ZNF395: variants seen among roughly 807,000 people sequenced by gnomAD.
ZNF395 encodes the protein HD gene regulatory region-binding protein 2.
In ZNF395, 20 loss-of-function variants were observed where a neutral mutation model predicts 57.7. The observed-to-expected ratio is 0.35, with a 90% confidence interval of 0.24 to 0.50. ZNF395 has a LOEUF of 0.50. ZNF395 is among the 20% of genes least tolerant of loss of function. The pLI is 0.97. For synonymous variants in ZNF395, 295 were observed against 275.9 expected, an observed-to-expected ratio of 1.07 and a Z score of -0.69; for missense variants, 606 against 671.2, an observed-to-expected ratio of 0.90 and a Z score of 1.07.
intron 6 of ZNF395, 67 bp from the exon 7 acceptor site, chr8:28,351,874 G>C (rs1399214782): frequency 1.3e-6 from 2 of 1,489,618 alleles, no homozygotes; most frequent in African/African-American, 2.8e-5. Flanking sequence ...CGGGGACCGC[G>C]GTAGGGAGGG....
At chr8:28,369,300 T>C (rs1054149581) in intron 1 of ZNF395, among the ~76,000 whole-genome samples, 2 of 152,130 alleles carry the variant, frequency 1.3e-5, no homozygotes, top group African/African-American at 4.8e-5. Flanking sequence ...GGAACTCAAA[T>C]GTCACTTCAA....
At chr8:28,377,259 C>A (rs1261213422) in intron 1 of ZNF395, among the ~76,000 whole-genome samples, 1 of 151,986 alleles carries the variant, frequency 6.6e-6, no homozygotes, top group African/African-American at 2.4e-5. Flanking sequence ...AAAATTTAAG[C>A]CAGAAGCAGT....
chr8:28,375,513 G>C (rs1022816483), intron 1 of ZNF395: 5 of 152,282 alleles, frequency 3.3e-5, no homozygotes, highest in Admixed American at 2.6e-4. Flanking sequence ...ATCTGGAAGT[G>C]GTCACGAGGA....
Position 28,351,631 on chromosome 8 carries a change from G to A in ZNF395, c.1097C>T (p.Ala366Val), listed in dbSNP as rs534913876. The A allele has an allele frequency of 3.1e-6, 5 of 1,613,564 alleles. No homozygotes were observed. In the Admixed American group the frequency reaches 5.0e-5, roughly 16 times the overall value. The change falls in exon 7 of 10, where the codon GCT (alanine) becomes GTT (valine). Residue 366 changes from alanine (A) to valine (V), a missense_variant. By Grantham distance (64) the Ala-to-Val change is moderately conservative. This residue lies in a region of ZNF395 where 261 missense variants were observed against 240.3 expected (regional missense o/e 1.09). Transcript: ENST00000344423. The part of the protein sequence containing the change: ...TPSMTGLPLS[A>V]LPPPLHKAQS... The stretch of plus-strand genomic sequence containing the variant: ...GGCTTTGTGCAGAGGTGGTGGAAGA[G>A]CAGACAGAGGCAGGCCAGTCATGCT...
chr8:28,377,147 G>A (rs377756422), intron 1 of ZNF395, among the ~76,000 whole-genome samples: 8 of 151,922 alleles, frequency 5.3e-5, no homozygotes, highest in East Asian at 1.9e-4. Context: ...TAATCAGGGC[G>A]GATTCTAAAT....
intron 4 of ZNF395, among the ~76,000 whole-genome samples, chr8:28,355,444 A>ATTT (rs11292657): frequency 7.0e-6 from 1 of 143,610 alleles, no homozygotes; most frequent in Non-Finnish European, 1.5e-5. Flanking sequence ...TTAATAGACA[A>ATTT]TTTTTTTTTT....
At chr8:28,376,388 G>A (rs1802040820) in intron 1 of ZNF395, among the ~76,000 whole-genome samples, 6 of 152,164 alleles carry the variant, frequency 3.9e-5, no homozygotes, top group Admixed American at 3.9e-4. Context: ...GGGAGGCTGA[G>A]GTGGGAGGAT....
intron 1 of ZNF395, among the ~76,000 whole-genome samples, chr8:28,367,847 A>G (rs1801929655): frequency 6.6e-6 from 1 of 152,254 alleles, no homozygotes; most frequent in African/African-American, 2.4e-5. Flanking sequence ...TGTTATAAGA[A>G]AGAATACCTG....
intron 3 of ZNF395, among the ~76,000 whole-genome samples, chr8:28,358,299 G>A (rs1213499499): frequency 6.6e-6 from 1 of 151,694 alleles, no homozygotes; most frequent in Non-Finnish European, 1.5e-5. Flanking sequence ...CAGTAGAGAC[G>A]GGGTTTCATC....
rs570310520 is a variant in ZNF395, at chr8:28,372,333, A to G, written c.-58-11151T>C. 2.6e-5 allele frequency among the ~76,000 whole-genome samples: 4 copies of G among 152,332 alleles called. No individual in the cohort carries two copies. The East Asian group carries it at 7.7e-4, about 29-fold the overall frequency. The stretch of plus-strand genomic sequence containing the variant: ...TGGATACTGAGCACTGTGCCTAGCA[A>G]AAGTGCGCGATAAATGCTGACCTGA... On this transcript the variant is annotated intron_variant, in intron 1 of 9. Coordinates refer to ENST00000344423, the MANE Select transcript of ZNF395 (RefSeq NM_018660.3).
chr8:28,378,931 C>A (rs1456542815), intron 1 of ZNF395, among the ~76,000 whole-genome samples: 1 of 152,188 alleles, frequency 6.6e-6, no homozygotes, highest in Non-Finnish European at 1.5e-5. Flanking sequence ...ATCTGCTGTC[C>A]CAGTCTTTCG....
At chr8:28,380,682 T>G (rs1802098059) in intron 1 of ZNF395, among the ~76,000 whole-genome samples, 1 of 152,212 alleles carries the variant, frequency 6.6e-6, no homozygotes, top group Non-Finnish European at 1.5e-5. Flanking sequence ...GAAGCCAAAA[T>G]GTACCATAGT....
rs180864907 is a variant in ZNF395, at chr8:28,374,275, G to C, written c.-59+12118C>G. On this transcript the variant is annotated intron_variant, in intron 1 of 9. Coordinates refer to ENST00000344423, the MANE Select transcript of ZNF395 (RefSeq NM_018660.3). ...AGCCAATGCACTTAACTTTTTGTAA[G>C]TCCTATAGGTATAGATGTGAGTATG... Among the ~76,000 whole-genome samples, 133 of 152,294 alleles carry C rather than the reference G, an allele frequency of 8.7e-4. 1 individual carries two copies. Among genetic ancestry groups the C allele is most frequent in the Non-Finnish European group, 1.5e-3 (99 of 68,030 alleles).
chr8:28,350,199 G>T, intron 7 of ZNF395, 43 bp from the exon 8 acceptor site: 1 of 1,527,726 alleles, frequency 6.5e-7, no homozygotes. Flanking sequence ...AGCTCAGGAA[G>T]TGTTCAGAGT....
At position 28,348,536 on chromosome 8, in the gene ZNF395, T is replaced by TA; in HGVS notation, c.*182dup. 1.7e-6 allele frequency: 1 copy of TA among 602,116 alleles called. No homozygotes were observed. The highest frequency in any genetic ancestry group is 2.9e-6 in the Non-Finnish European group (1 of 340,750). The allele number at this position is 602,116 out of a possible 1,614,324, so 37.3% of individuals were successfully genotyped here. A position where few individuals can be genotyped will look rare whatever the true frequency, so the allele number is the denominator to read the frequency against. On this transcript the variant is annotated 3_prime_UTR_variant, in exon 10 of 10. Transcript: ENST00000344423. ...GAAAAATATTTTTGTTTCTTTTTTT[T>TA]AAAAAATAAAATGTTCGCACAATGG...
In ZNF395 at chr8:28,352,680, G is replaced by C. The variant is rs1563336649; in HGVS notation, c.820-7C>G. ...ACATCACCTTCACAGAGTTCTACAG[G>C]AAAGGAAGACAGGGTGAGTGGATAT... On this transcript the variant is annotated splice_polypyrimidine_tract_variant and splice_region_variant and intron_variant, in intron 5 of 9. Coordinates refer to ENST00000344423, the MANE Select transcript of ZNF395 (RefSeq NM_018660.3). The surrounding 1 kb of genome is among the most constrained non-coding windows in gnomAD (Gnocchi z 4.0). The C allele has an allele frequency of 1.2e-6, 2 of 1,612,582 alleles. No individual in the cohort carries two copies. Among genetic ancestry groups the C allele is most frequent in the East Asian group, 2.2e-5 (1 of 44,868 alleles).
At chr8:28,351,344 G>A in intron 7 of ZNF395, 151 bp downstream of exon 7, 1 of 777,378 alleles carries the variant, frequency 1.3e-6, no homozygotes, top group Non-Finnish European at 2.0e-6. Context: ...ATTGAGCAGT[G>A]AATTCGGTTT....
At chr8:28,383,619 C>T (rs1802136585) in intron 1 of ZNF395, among the ~76,000 whole-genome samples, 1 of 152,198 alleles carries the variant, frequency 6.6e-6, no homozygotes, top group Admixed American at 6.5e-5. Flanking sequence ...GGTTCAGAAC[C>T]GAGCAATGTC....
At position 28,356,250 on chromosome 8, in the gene ZNF395, T is replaced by C. The variant is rs1259534422; in HGVS notation, c.583+420A>G. Among the ~76,000 whole-genome samples the C allele has an allele frequency of 2.0e-5, 3 of 152,260 alleles. No homozygotes were observed. The highest frequency in any genetic ancestry group is 4.4e-5 in the Non-Finnish European group (3 of 68,042). Reference sequence around the variant, plus strand: ...TGTCCCATAGGCCCACACTAATTTATGAGGCTGAATTAGGCACGTGGAATG... The same window carrying C: ...TGTCCCATAGGCCCACACTAATTTACGAGGCTGAATTAGGCACGTGGAATG... On this transcript the variant is annotated intron_variant, in intron 4 of 9. Transcript: ENST00000344423. The surrounding 1 kb of genome is among the most constrained non-coding windows in gnomAD (Gnocchi z 4.0).
Sources: gnomAD v4.1 joint callset for allele counts (sites outside exome capture counted in the v4.1 genomes callset) on GRCh38, gnomAD v4.1.1 for gene constraint, gnomAD v4.1.1 regional missense constraint, Gnocchi (gnomAD v3.1) non-coding constraint, MANE v1.5 for transcripts, NCBI Gene and HGNC (gene_info 2026-07-23, HGNC 2026-07-21) for gene names.